The following XKR4 variants were observed in gnomAD, a reference collection of about 807,000 sequenced individuals.
The protein encoded by XKR4 is XK related 4, also known as XK-related protein 4.
A neutral mutation model predicts 53.9 loss-of-function variants in XKR4; 12 were observed. That is an observed-to-expected ratio of 0.22 (90% CI 0.14 to 0.36). The LOEUF is 0.36. XKR4 is among the 10% of genes least tolerant of loss of function. XKR4 has a pLI of 1.00. For synonymous variants in XKR4, 354 were observed against 362.4 expected, an observed-to-expected ratio of 0.98 and a Z score of 0.26; for missense variants, 799 against 859.5, an observed-to-expected ratio of 0.93 and a Z score of 0.88.
chr8:55,482,239 C>G (rs567500574), intron 2 of XKR4, among the ~76,000 whole-genome samples: 2 of 152,150 alleles, frequency 1.3e-5, no homozygotes, highest in Non-Finnish European at 2.9e-5. Context: ...AGTTCATGTC[C>G]TTTGTAGGGA....
intron 2 of XKR4, among the ~76,000 whole-genome samples, chr8:55,487,749 A>C (rs1265232517): frequency 6.6e-6 from 1 of 152,210 alleles, no homozygotes; most frequent in African/African-American, 2.4e-5. Context: ...GATTGATTAC[A>C]GGCGTAAGCC....
At position 55,482,706 on chromosome 8, in the gene XKR4, G is replaced by A. The variant is rs185435074; in HGVS notation, c.1007-40575G>A. Among the ~76,000 whole-genome samples, 187 of 152,196 alleles carry A rather than the reference G, an allele frequency of 1.2e-3. 1 individual carries two copies. The highest frequency in any genetic ancestry group is 4.2e-3 in the African/African-American group (175 of 41,550). On this transcript the variant is annotated intron_variant, in intron 2 of 2. Coordinates refer to ENST00000327381, the MANE Select transcript of XKR4 (RefSeq NM_052898.2). ...GAACTAAACTCTTTGAACTTAGAAA[G>A]GAGTCCAATATACACTCAAAGGGTT...
intron 2 of XKR4, among the ~76,000 whole-genome samples, chr8:55,511,959 G>T (rs1585613428): frequency 1.3e-5 from 2 of 152,066 alleles, no homozygotes; most frequent in East Asian, 3.9e-4. Context: ...GAGTGGAGTG[G>T]GGAGGGCAAA....
At chr8:55,229,357 G>A (rs1343653318) in intron 1 of XKR4, among the ~76,000 whole-genome samples, 1 of 152,230 alleles carries the variant, frequency 6.6e-6, no homozygotes, top group Admixed American at 6.5e-5. Context: ...CAGAGCTGAC[G>A]CAGGTGAGGC....
intron 1 of XKR4, among the ~76,000 whole-genome samples, chr8:55,223,101 A>G (rs181307252): frequency 6.6e-6 from 1 of 152,344 alleles, no homozygotes; most frequent in African/African-American, 2.4e-5. Flanking sequence ...TAGGTCCTCA[A>G]AGAAAAACCC....
chr8:55,275,882 G>A (rs1037609862), intron 1 of XKR4, among the ~76,000 whole-genome samples: 1 of 152,170 alleles, frequency 6.6e-6, no homozygotes, highest in East Asian at 1.9e-4. Flanking sequence ...AGAGGACCAT[G>A]AGCCGGGACT....
chr8:55,273,630 A>T (rs754971635), intron 1 of XKR4, among the ~76,000 whole-genome samples: 1 of 152,116 alleles, frequency 6.6e-6, no homozygotes, highest in Non-Finnish European at 1.5e-5. Context: ...TGGCTCATCC[A>T]ATCTTGTGGC....
chr8:55,173,803 T>C (rs1368686032), intron 1 of XKR4, among the ~76,000 whole-genome samples: 2 of 152,162 alleles, frequency 1.3e-5, no homozygotes, highest in Non-Finnish European at 2.9e-5. Flanking sequence ...TTTGAACAAT[T>C]TGGCTGGTGG....
At chr8:55,306,686 C>T (rs1819305656) in intron 1 of XKR4, among the ~76,000 whole-genome samples, 1 of 152,160 alleles carries the variant, frequency 6.6e-6, no homozygotes, top group Non-Finnish European at 1.5e-5. Context: ...CCACCAGGTC[C>T]CTCACACAGC....
chr8:55,485,685 C>T (rs1187354015), intron 2 of XKR4, among the ~76,000 whole-genome samples: 1 of 152,090 alleles, frequency 6.6e-6, no homozygotes, highest in African/African-American at 2.4e-5. Context: ...AGGCGTGAAC[C>T]ACCGTACCCG....
In XKR4 at chr8:55,195,285, CTAA is replaced by C. The variant is rs1358570817; in HGVS notation, c.806+92000_806+92002del. The stretch of plus-strand genomic sequence containing the variant: ...GTTTATGTTTTTGATGAATTGTACA[CTAA>C]TAATAATATAACAAAAATAAAATTT... On this transcript the variant is annotated intron_variant, in intron 1 of 2. Transcript: ENST00000327381. Among the ~76,000 whole-genome samples, 3 of 141,222 alleles carry C rather than the reference CTAA, an allele frequency of 2.1e-5. 1 individual carries two copies. Among genetic ancestry groups the C allele is most frequent in the Non-Finnish European group, 4.7e-5 (3 of 63,542 alleles). The allele number at this position is 141,222 out of a possible 152,430, so 92.6% of individuals were successfully genotyped here.
intron 1 of XKR4, among the ~76,000 whole-genome samples, chr8:55,191,250 G>A (rs577008545): frequency 6.6e-6 from 1 of 152,160 alleles, no homozygotes; most frequent in South Asian, 2.1e-4. Context: ...CACCTGCTTG[G>A]ACTGCTCCTC....
chr8:55,205,850 C>T (rs996597467), intron 1 of XKR4, among the ~76,000 whole-genome samples: 22 of 152,120 alleles, frequency 1.4e-4, no homozygotes, highest in Non-Finnish European at 7.4e-5. Context: ...AAGTCGCGGA[C>T]CCTCGTGGTG....
At chr8:55,197,418 A>C (rs1369415271) in intron 1 of XKR4, among the ~76,000 whole-genome samples, 1 of 152,224 alleles carries the variant, frequency 6.6e-6, no homozygotes, top group Non-Finnish European at 1.5e-5. Flanking sequence ...CTTCATGGAC[A>C]AAAAGTATTC....
chr8:55,468,090 C>T (rs1486480311), intron 2 of XKR4, among the ~76,000 whole-genome samples: 1 of 152,012 alleles, frequency 6.6e-6, no homozygotes, highest in African/African-American at 2.4e-5. Flanking sequence ...TTCCAGTTTC[C>T]ATCACAGAAG....
intron 2 of XKR4, chr8:55,451,184 G>C (rs1050701276): frequency 1.8e-6 from 1 of 556,246 alleles, no homozygotes; most frequent in Non-Finnish European, 3.2e-6. Flanking sequence ...CGTTGGCCTG[G>C]GGTGGGGCCA....
At chr8:55,459,169 A>G (rs1447706437) in intron 2 of XKR4, among the ~76,000 whole-genome samples, 1 of 152,238 alleles carries the variant, frequency 6.6e-6, no homozygotes, top group East Asian at 1.9e-4. Flanking sequence ...AAGACAATTC[A>G]TTAGAAAAGG....
chr8:55,120,320 G>A (rs140506608), intron 1 of XKR4, among the ~76,000 whole-genome samples: 2 of 152,114 alleles, frequency 1.3e-5, no homozygotes, highest in African/African-American at 4.8e-5. Flanking sequence ...GTTTAAGTAG[G>A]GCTTACCTTT....
intron 2 of XKR4, chr8:55,453,801 G>A (rs1805500638): frequency 2.2e-6 from 1 of 447,634 alleles, no homozygotes; most frequent in East Asian, 5.7e-5. Context: ...AGGACTCATT[G>A]GGGGTGGTTC....
Sources: gnomAD v4.1 joint callset for allele counts (sites outside exome capture counted in the v4.1 genomes callset) on GRCh38, gnomAD v4.1.1 for gene constraint, MANE v1.5 for transcripts, NCBI Gene and HGNC (gene_info 2026-07-23, HGNC 2026-07-21) for gene names.